The following LRP5 variants were observed in gnomAD, a reference collection of about 807,000 sequenced individuals.
LRP5 encodes low-density lipoprotein receptor-related protein 5.
A neutral mutation model predicts 154.1 loss-of-function variants in LRP5; 62 were observed. That is an observed-to-expected ratio of 0.40 (90% CI 0.33 to 0.50). The LOEUF is 0.50. Ranked by LOEUF, LRP5 falls within the 20% of genes least tolerant of loss-of-function variation. The pLI, the probability that LRP5 is intolerant of heterozygous loss-of-function variation, is 0.55. For missense variants in LRP5, 1,915 were observed against 2,336.7 expected, an observed-to-expected ratio of 0.82 and a Z score of 3.72; for synonymous variants, 966 against 1,011.5, an observed-to-expected ratio of 0.96 and a Z score of 0.85.
intron 5 of LRP5, among the ~76,000 whole-genome samples, chr11:68,375,956 C>T (rs1178065037): frequency 6.6e-6 from 1 of 152,188 alleles, no homozygotes; most frequent in African/African-American, 2.4e-5. Flanking sequence ...GGTGGGGCCG[C>T]GTGAACTGCT....
In LRP5 at chr11:68,348,038, A is replaced by C. The variant is rs771960523; in HGVS notation, c.283A>C (p.Thr95Pro). ...EAIKQTYLNQ[T>P]GAAVQNVVIS... ...CATCAAGCAGACCTACCTGAACCAG[A>C]CGGGGGCCGCCGTGCAGAACGTGGT... Residue 95 changes from threonine (T) to proline (P), a missense_variant, in exon 2 of 23, where the codon ACG (threonine) becomes CCG (proline). This residue lies in a region of LRP5 where 773 missense variants were observed against 1,100.9 expected (regional missense o/e 0.70). Coordinates refer to ENST00000294304, the MANE Select transcript of LRP5 (RefSeq NM_002335.4). 38 of 1,613,966 alleles carry C rather than the reference A, an allele frequency of 2.4e-5. No homozygotes were observed. The highest frequency in any genetic ancestry group is 3.1e-5 in the Non-Finnish European group (36 of 1,180,028).
At chr11:68,358,064 A>G (rs1263413268) in intron 3 of LRP5, among the ~76,000 whole-genome samples, 1 of 151,792 alleles carries the variant, frequency 6.6e-6, no homozygotes, top group Non-Finnish European at 1.5e-5. Context: ...GTTCATTCTA[A>G]GTAGGGCAGA....
chr11:68,440,749 G>A (rs2098677755), intron 21 of LRP5, among the ~76,000 whole-genome samples: 3 of 152,046 alleles, frequency 2.0e-5, no homozygotes, highest in Admixed American at 2.0e-4. Flanking sequence ...CACATCTGGG[G>A]TCTTGTCTTC....
chr11:68,370,008 C>G (rs1039971205), intron 5 of LRP5, among the ~76,000 whole-genome samples: 1 of 152,144 alleles, frequency 6.6e-6, no homozygotes, highest in Non-Finnish European at 1.5e-5. Context: ...GTGGCTGGTG[C>G]CAGGCCCGTG....
At chr11:68,437,269 C>T (rs1447717976) in intron 19 of LRP5, among the ~76,000 whole-genome samples, 14 of 152,216 alleles carry the variant, frequency 9.2e-5, no homozygotes, top group Non-Finnish European at 1.8e-4. Context: ...CACCCACCCA[C>T]GGGACCTTGC....
intron 9 of LRP5, 65 bp downstream of exon 9, chr11:68,406,878 T>C (rs928943398): frequency 1.3e-6 from 2 of 1,511,514 alleles, no homozygotes; most frequent in Non-Finnish European, 1.8e-6. Context: ...TGTTCCTGCC[T>C]CAAAGGCTTC....
rs1329119348 is a variant in LRP5, at chr11:68,312,624, CGGAGGCGCCGGGAGCCGCGCGA to C, written c.-86_-65del. 20 of 486,678 alleles carry C rather than the reference CGGAGGCGCCGGGAGCCGCGCGA, an allele frequency of 4.1e-5. No individual in the cohort carries two copies. The highest frequency in any genetic ancestry group is 4.8e-5 in the Non-Finnish European group (18 of 374,694). The allele number at this position is 486,678 out of a possible 1,614,324, so 30.1% of individuals were successfully genotyped here. On this transcript the variant is annotated 5_prime_UTR_variant, in exon 1 of 23. Coordinates refer to ENST00000294304, the MANE Select transcript of LRP5 (RefSeq NM_002335.4). ...GGTCCGCGGCGCCCGAGGGGGGAGGCGGAGGCGCCGGGAGCCGCGCGAGGAGCCGCCGCCGCCGCGCCATGGA... is the reference window on the plus strand; with the variant it reads ...GGTCCGCGGCGCCCGAGGGGGGAGGCGGAGCCGCCGCCGCCGCGCCATGGA...
intron 5 of LRP5, among the ~76,000 whole-genome samples, chr11:68,368,231 C>G (rs1224337590): frequency 6.6e-6 from 1 of 152,186 alleles, no homozygotes; most frequent in Non-Finnish European, 1.5e-5. Flanking sequence ...GGGGCCATGT[C>G]AGGAAGCAAG....
intron 16 of LRP5, among the ~76,000 whole-genome samples, chr11:68,427,973 T>TAA: frequency 4.3e-5 from 2 of 46,792 alleles, no homozygotes; most frequent in South Asian, 2.9e-3. Flanking sequence ...TTATTTTATT[T>TAA]TTTTTATTTA....
At chr11:68,339,861 T>G (rs2098607915) in intron 1 of LRP5, among the ~76,000 whole-genome samples, 1 of 151,926 alleles carries the variant, frequency 6.6e-6, no homozygotes, top group African/African-American at 2.4e-5. Flanking sequence ...TATGTAGGAG[T>G]GGAATTACTG....
At chr11:68,424,248 C>T (rs144538144) in intron 14 of LRP5, among the ~76,000 whole-genome samples, 7 of 152,192 alleles carry the variant, frequency 4.6e-5, no homozygotes, top group Non-Finnish European at 8.8e-5. Flanking sequence ...GACAGGAGCG[C>T]GATGGCCTTC....
At chr11:68,394,610 C>T (rs527267357) in intron 7 of LRP5, among the ~76,000 whole-genome samples, 40 of 152,258 alleles carry the variant, frequency 2.6e-4, no homozygotes, top group Admixed American at 7.8e-4. Context: ...GGACTACAGG[C>T]GCCTGCCACC....
rs184963015 is a variant in LRP5, at chr11:68,418,231, C to T, written c.3027+1704C>T. ...ACCAGCCTGGCCAACATGGTGAAAC[C>T]CCATCTCTACTAAATATACGAAAAT... On this transcript the variant is annotated intron_variant, in intron 13 of 22. Transcript: ENST00000294304. Among the ~76,000 whole-genome samples, 42 of 152,056 alleles carry T rather than the reference C, an allele frequency of 2.8e-4. No homozygotes were observed. In the East Asian group the frequency reaches 5.5e-3, roughly 20 times the overall value.
chr11:68,399,644 A>ACGT (rs1172118284), intron 7 of LRP5, among the ~76,000 whole-genome samples: 1 of 152,150 alleles, frequency 6.6e-6, no homozygotes, highest in Admixed American at 6.5e-5. Context: ...CAGGACAGGC[A>ACGT]CGTTCTCTGC....
At chr11:68,333,147 G>C (rs1483606933) in intron 1 of LRP5, among the ~76,000 whole-genome samples, 3 of 152,184 alleles carry the variant, frequency 2.0e-5, no homozygotes, top group Non-Finnish European at 2.9e-5. Flanking sequence ...CCCAGTAGGA[G>C]AGACGCGTAG....
intron 2 of LRP5, among the ~76,000 whole-genome samples, chr11:68,349,731 C>T (rs2098616698): frequency 6.6e-6 from 1 of 152,168 alleles, no homozygotes; most frequent in African/African-American, 2.4e-5. Context: ...GGCCCAGCTC[C>T]ACTGGCCAGC....
chr11:68,338,867 G>GTTTTTTTTTTTTTTTTTTTTTT (rs11382677), intron 1 of LRP5, among the ~76,000 whole-genome samples: 15 of 91,948 alleles, frequency 1.6e-4, no homozygotes, highest in Middle Eastern at 0.013. Flanking sequence ...CTTTTGTTTA[G>GTTTTTTTTTTTTTTTTTTTTTT]TTTTTTTTTT....
chr11:68,350,000 T>G (rs2098616901), intron 2 of LRP5, among the ~76,000 whole-genome samples: 1 of 152,166 alleles, frequency 6.6e-6, no homozygotes, highest in Non-Finnish European at 1.5e-5. Context: ...GGAAGCCCTT[T>G]GCCTGTTAGT....
chr11:68,416,206 C>T (rs886085339), intron 12 of LRP5, 122 bp from the exon 13 acceptor site: 8 of 814,906 alleles, frequency 9.8e-6, no homozygotes, highest in Non-Finnish European at 1.7e-5. Flanking sequence ...CCCCGTCTTT[C>T]CCGTGGACCT....
Sources: allele counts gnomAD v4.1 joint callset (sites outside exome capture counted in the v4.1 genomes callset), GRCh38; gene constraint gnomAD v4.1.1; regional missense constraint gnomAD v4.1.1; transcripts MANE v1.5; gene names NCBI Gene and HGNC (gene_info 2026-07-23, HGNC 2026-07-21).